The following NRXN1 variants were observed in gnomAD, a reference collection of about 807,000 sequenced individuals.
The protein encoded by NRXN1 is neurexin-1.
NRXN1 carries 39 observed loss-of-function variants against 150.9 expected under a neutral mutation model. That is an observed-to-expected ratio of 0.26 (90% CI 0.20 to 0.34). The LOEUF (loss-of-function observed/expected upper bound fraction) is 0.34, where lower values mean the gene tolerates loss of function less well. Among genes scored for constraint, NRXN1 ranks in the 10% least tolerant of loss-of-function variants. NRXN1 has a pLI of 1.00. For synonymous variants in NRXN1, 924 were observed against 757.0 expected (o/e 1.22, Z -3.62); for missense variants, 1,815 against 1,949.9 (o/e 0.93, Z 1.30).
chr2:50,263,040 A>G (rs1517832), intron 17 of NRXN1, among the ~76,000 whole-genome samples: 1,758 of 152,028 alleles, frequency 0.012, 14 homozygotes, highest in Non-Finnish European at 0.018. Flanking sequence ...TCTGAGTTAC[A>G]TGACAGTACT....
At chr2:50,017,165 G>C (rs1156703986) in intron 21 of NRXN1, among the ~76,000 whole-genome samples, 2 of 152,104 alleles carry the variant, frequency 1.3e-5, no homozygotes, top group African/African-American at 4.8e-5. Flanking sequence ...TCCCTGCTGT[G>C]TGGTGAGCAC....
rs529119529 is a variant in NRXN1 at position 50,375,425 on chromosome 2, A to G, written c.3364+90017T>C. Among the ~76,000 whole-genome samples the G allele has an allele frequency of 2.3e-5, 3 of 132,930 alleles. No individual in the cohort carries two copies. The South Asian group carries it at 7.1e-4, about 32-fold the overall frequency. 87.2% of individuals were successfully genotyped at this position (132,930 alleles called of 152,430 possible). On this transcript the variant is annotated intron_variant, in intron 17 of 22. Transcript: ENST00000401669. ...TAGATGAAGAAGCTGATTCTTAGAGAGTGTAACTTGCCAAAGATTACACGG... is the reference window on the plus strand; with the variant it reads ...TAGATGAAGAAGCTGATTCTTAGAGGGTGTAACTTGCCAAAGATTACACGG...
At chr2:50,414,392 G>A (rs2083395529) in intron 17 of NRXN1, among the ~76,000 whole-genome samples, 1 of 151,366 alleles carries the variant, frequency 6.6e-6, no homozygotes, top group African/African-American at 2.4e-5. Flanking sequence ...CCTTTTTTGG[G>A]GGAATATTTT....
intron 21 of NRXN1, among the ~76,000 whole-genome samples, chr2:50,021,304 A>G (rs1429910127): frequency 6.6e-6 from 1 of 152,192 alleles, no homozygotes; most frequent in Non-Finnish European, 1.5e-5. Context: ...TACGGAAAAT[A>G]TCTATGAAAC....
intron 18 of NRXN1, among the ~76,000 whole-genome samples, chr2:50,110,732 G>C (rs1423856101): frequency 6.6e-6 from 1 of 152,072 alleles, no homozygotes; most frequent in Non-Finnish European, 1.5e-5. Flanking sequence ...TTGGATAATA[G>C]TGGTTACCAA....
At chr2:50,390,263 A>G (rs1280442187) in intron 17 of NRXN1, among the ~76,000 whole-genome samples, 1 of 152,188 alleles carries the variant, frequency 6.6e-6, no homozygotes, top group African/African-American at 2.4e-5. Context: ...AGAAATTCTC[A>G]TAAGGATGAT....
intron 18 of NRXN1, among the ~76,000 whole-genome samples, chr2:50,208,293 A>G (rs766981222): frequency 3.2e-4 from 48 of 152,168 alleles, no homozygotes; most frequent in East Asian, 7.8e-4. Context: ...GAGATGTCCA[A>G]TGTATCAATG....
chr2:50,041,450 A>G (rs1690947145), intron 21 of NRXN1, among the ~76,000 whole-genome samples: 1 of 152,212 alleles, frequency 6.6e-6, no homozygotes, highest in Non-Finnish European at 1.5e-5. Flanking sequence ...TCACTGGTGC[A>G]AACTGGTTCT....
At chr2:50,557,725 T>C (rs1458565750) in intron 8 of NRXN1, among the ~76,000 whole-genome samples, 1 of 152,210 alleles carries the variant, frequency 6.6e-6, no homozygotes, top group Non-Finnish European at 1.5e-5. Flanking sequence ...ATTAACATTA[T>C]TATAAATAAC....
chr2:51,010,796 CTTT>C (rs35134042), intron 2 of NRXN1, among the ~76,000 whole-genome samples: 2 of 144,082 alleles, frequency 1.4e-5, no homozygotes, highest in African/African-American at 2.5e-5. Flanking sequence ...CTTTTCTGTG[CTTT>C]TTTTTTTTTT....
intron 17 of NRXN1, among the ~76,000 whole-genome samples, chr2:50,272,087 G>A (rs968662687): frequency 6.6e-6 from 1 of 152,196 alleles, no homozygotes. Flanking sequence ...CAAATTGCAG[G>A]AGGGTCCCTG....
intron 5 of NRXN1, among the ~76,000 whole-genome samples, chr2:50,881,560 A>T (rs1200018806): frequency 2.0e-5 from 3 of 152,044 alleles, no homozygotes; most frequent in East Asian, 3.9e-4. Context: ...GACTAATTCT[A>T]TAAGAAAGGA....
At chr2:50,464,945 A>T (rs927434117) in intron 17 of NRXN1, among the ~76,000 whole-genome samples, 1 of 151,894 alleles carries the variant, frequency 6.6e-6, no homozygotes, top group African/African-American at 2.4e-5. Flanking sequence ...TAAGTTGCTA[A>T]GATACAAGGG....
chr2:50,561,772 A>T (rs1424709245), intron 8 of NRXN1, among the ~76,000 whole-genome samples: 1 of 151,258 alleles, frequency 6.6e-6, no homozygotes, highest in Non-Finnish European at 1.5e-5. Context: ...GAGGGGGTAA[A>T]AATTGCAGTA....
Position 51,028,204 on chromosome 2 carries a change from A to G in NRXN1, c.70T>C (p.Trp24Arg). 1 of 1,491,582 alleles carries G rather than the reference A, an allele frequency of 6.7e-7. No individual in the cohort carries two copies. The highest frequency in any genetic ancestry group is 8.9e-7 in the Non-Finnish European group (1 of 1,126,976). The allele number at this position is 1,491,582 out of a possible 1,614,324, so 92.4% of individuals were successfully genotyped here. A position where few individuals can be genotyped will look rare whatever the true frequency, so the allele number is the denominator to read the frequency against. Residue 24 changes from tryptophan (W) to arginine (R), a missense_variant, in exon 2 of 23, where the codon TGG (tryptophan) becomes CGG (arginine). Physicochemically the swap from Trp to Arg is moderately radical, Grantham distance 101. Around this residue, in one of 6 missense-constraint regions of NRXN1, gnomAD observed 554 missense variants for 478.8 expected, o/e 1.16. Transcript: ENST00000401669. ...LCLSLLLLGC[W>R]AELGSGLEFP... is the part of the protein sequence containing the mutation. ...TCCAGCCCGCTGCCCAGCTCCGCCC[A>G]GCAGCCCAGGAGCAGCAGCGAGAGG...
chr2:50,772,902 C>A (rs533687953), intron 5 of NRXN1, among the ~76,000 whole-genome samples: 1 of 152,152 alleles, frequency 6.6e-6, no homozygotes, highest in Non-Finnish European at 1.5e-5. Flanking sequence ...TGGCTAAACT[C>A]AATGCCCTAC....
At chr2:50,750,962 G>C (rs1194144438) in intron 5 of NRXN1, among the ~76,000 whole-genome samples, 2 of 151,880 alleles carry the variant, frequency 1.3e-5, no homozygotes, top group Admixed American at 6.6e-5. Flanking sequence ...TTCCTTAATA[G>C]GTAGCTATGC....
intron 15 of NRXN1, among the ~76,000 whole-genome samples, chr2:50,474,710 C>CAAAAA (rs2089840000): frequency 9.3e-6 from 1 of 107,394 alleles, no homozygotes; most frequent in African/African-American, 3.9e-5. Context: ...AAAAAAAGTC[C>CAAAAA]AACCTAAAGA....
chr2:50,163,890 T>C (rs1300979612), intron 18 of NRXN1, among the ~76,000 whole-genome samples: 1 of 152,172 alleles, frequency 6.6e-6, no homozygotes, highest in Non-Finnish European at 1.5e-5. Context: ...CTATACTTTA[T>C]CTTATTGCAA....
Sources: gnomAD v4.1 joint callset for allele counts (sites outside exome capture counted in the v4.1 genomes callset) on GRCh38, gnomAD v4.1.1 for gene constraint, gnomAD v4.1.1 regional missense constraint, MANE v1.5 for transcripts, NCBI Gene and HGNC (gene_info 2026-07-23, HGNC 2026-07-21) for gene names.